Variants in ATP8A2 observed in about 807,000 individuals in gnomAD.
ATP8A2 encodes the protein phospholipid-transporting ATPase IB.
ATP8A2 carries 100 observed loss-of-function variants against 165.6 expected under a neutral mutation model. That is an observed-to-expected ratio of 0.60 (90% confidence interval 0.51 to 0.71). The LOEUF is 0.71. ATP8A2 is among the 30% of genes least tolerant of loss of function. The probability of loss-of-function intolerance (pLI) is 0.00; values close to 1 mark genes in which losing one functional copy is unlikely to be tolerated. For missense variants in ATP8A2, 1,227 were observed against 1,479.5 expected, an observed-to-expected ratio of 0.83 and a Z score of 2.80; for synonymous variants, 543 against 548.8, an observed-to-expected ratio of 0.99 and a Z score of 0.15.
chr13:25,769,752 T>TGTGAGGTGAATTGCCAAGAGC (rs2044578571), intron 26 of ATP8A2, among the ~76,000 whole-genome samples: 2 of 152,168 alleles, frequency 1.3e-5, no homozygotes, highest in South Asian at 4.1e-4. Context: ...GGACCACCCC[T>TGTGAGGTGAATTGCCAAGAGC]GTGAGGTGAA....
intron 35 of ATP8A2, among the ~76,000 whole-genome samples, chr13:25,972,541 C>G (rs921170271): frequency 1.3e-5 from 2 of 152,206 alleles, no homozygotes; most frequent in African/African-American, 4.8e-5. Flanking sequence ...ACACTGGACA[C>G]GTGTGACTGT....
chr13:25,998,344 T>C lies in ATP8A2; in HGVS notation c.3378-14187T>C, dbSNP rs1333664855. On this transcript the variant is annotated intron_variant, in intron 35 of 36. Coordinates refer to ENST00000381655, the MANE Select transcript of ATP8A2 (RefSeq NM_016529.6). Reference sequence around the variant, plus strand: ...CTTGGTCTTCTTTTTCACCTCCCCATAAGGGTGTTGGAGAGCCTCATAACA... The same window carrying C: ...CTTGGTCTTCTTTTTCACCTCCCCACAAGGGTGTTGGAGAGCCTCATAACA... 2.0e-5 allele frequency among the ~76,000 whole-genome samples: 3 copies of C among 152,108 alleles called. No individual in the cohort carries two copies. The East Asian group carries it at 5.8e-4, about 29-fold the overall frequency.
chr13:25,769,256 C>A, intron 26 of ATP8A2, 27 bp downstream of exon 26: 1 of 1,593,122 alleles, frequency 6.3e-7, no homozygotes, highest in Admixed American at 1.7e-5. Context: ...TCCAGCTGCC[C>A]TGTCCTGTTG....
intron 24 of ATP8A2, among the ~76,000 whole-genome samples, chr13:25,698,456 C>T (rs7329366): frequency 1.3e-5 from 2 of 152,070 alleles, no homozygotes; most frequent in African/African-American, 4.8e-5. Flanking sequence ...TGGTCTTGAA[C>T]TCCTGGGCTC....
chr13:25,580,876 T>C (rs1476139628), intron 22 of ATP8A2, among the ~76,000 whole-genome samples: 2 of 152,232 alleles, frequency 1.3e-5, no homozygotes, highest in Admixed American at 6.5e-5. Context: ...ACTTATTTAC[T>C]GTTTTCATTC....
At chr13:25,888,070 C>CCCCA in intron 33 of ATP8A2, among the ~76,000 whole-genome samples, 2 of 113,510 alleles carry the variant, frequency 1.8e-5, no homozygotes, top group Non-Finnish European at 3.4e-5. Context: ...GAACCCAGAC[C>CCCCA]CCCCCCCCGC....
intron 33 of ATP8A2, among the ~76,000 whole-genome samples, chr13:25,935,319 C>A (rs566689714): frequency 6.6e-6 from 1 of 152,164 alleles, no homozygotes; most frequent in East Asian, 1.9e-4. Context: ...AAACTCTCCA[C>A]CATTGTCAGA....
At chr13:25,996,865 G>T (rs1409216092) in intron 35 of ATP8A2, among the ~76,000 whole-genome samples, 1 of 152,208 alleles carries the variant, frequency 6.6e-6, no homozygotes, top group African/African-American at 2.4e-5. Context: ...TGTATTTTTA[G>T]TAGAGACAAG....
At chr13:25,591,765 T>C (rs1198867372) in intron 24 of ATP8A2, among the ~76,000 whole-genome samples, 1 of 152,052 alleles carries the variant, frequency 6.6e-6, no homozygotes, top group Non-Finnish European at 1.5e-5. Flanking sequence ...GTATTTTTAG[T>C]AGAGATGGAG....
At chr13:25,483,488 T>G (rs2036266220) in intron 2 of ATP8A2, among the ~76,000 whole-genome samples, 1 of 152,070 alleles carries the variant, frequency 6.6e-6, no homozygotes, top group Non-Finnish European at 1.5e-5. Flanking sequence ...ACTGGCGCTC[T>G]TGGAGAGACA....
chr13:25,402,473 G>A (rs1428739174), intron 1 of ATP8A2, among the ~76,000 whole-genome samples: 3 of 152,186 alleles, frequency 2.0e-5, no homozygotes, highest in Non-Finnish European at 4.4e-5. Context: ...TTTAAAAATA[G>A]CATCGTTTCT....
intron 24 of ATP8A2, among the ~76,000 whole-genome samples, chr13:25,656,988 G>A (rs2041943502): frequency 7.3e-6 from 1 of 137,906 alleles, no homozygotes; most frequent in Non-Finnish European, 1.5e-5. Flanking sequence ...AGGAGATGAA[G>A]GTTGCTGTGA....
At chr13:25,691,615 T>C (rs2042727447) in intron 24 of ATP8A2, among the ~76,000 whole-genome samples, 1 of 152,226 alleles carries the variant, frequency 6.6e-6, no homozygotes, top group Non-Finnish European at 1.5e-5. Flanking sequence ...CTTGAAAATG[T>C]TTGCTTAATG....
chr13:25,550,797 T>C (rs968375514), intron 10 of ATP8A2, among the ~76,000 whole-genome samples: 4 of 152,222 alleles, frequency 2.6e-5, no homozygotes, highest in African/African-American at 9.6e-5. Context: ...TTTGAAACCC[T>C]CTAATGTTCT....
At chr13:25,642,752 A>T (rs141240013) in intron 24 of ATP8A2, among the ~76,000 whole-genome samples, 5,269 of 152,326 alleles carry the variant, frequency 0.035, 157 homozygotes, top group East Asian at 0.13. Flanking sequence ...TGCTATAAAG[A>T]CACATGCACA....
At chr13:25,835,105 G>C (rs1478275502) in intron 28 of ATP8A2, among the ~76,000 whole-genome samples, 1 of 151,862 alleles carries the variant, frequency 6.6e-6, no homozygotes, top group Non-Finnish European at 1.5e-5. Context: ...AGAAGGAGAA[G>C]CTCAAGTTTA....
chr13:25,533,202 C>A, intron 5 of ATP8A2, 71 bp from the exon 6 acceptor site: 1 of 821,238 alleles, frequency 1.2e-6, no homozygotes, highest in Non-Finnish European at 2.0e-6. Context: ...TAAAAGAAAG[C>A]TTTTGGATTT....
At position 25,574,789 on chromosome 13, in the gene ATP8A2, C is replaced by T. The variant is rs1477145373; in HGVS notation, c.1663-19C>T. On this transcript the variant is annotated intron_variant, in intron 18 of 36. Coordinates refer to ENST00000381655, the MANE Select transcript of ATP8A2 (RefSeq NM_016529.6). Reference sequence around the variant, plus strand: ...TAATACTTTGCACCTCGGTTAAGAGCCTATTTTTCTTCCTTTAGATGGGAC... The same window carrying T: ...TAATACTTTGCACCTCGGTTAAGAGTCTATTTTTCTTCCTTTAGATGGGAC... 3 of 1,484,240 alleles carry T rather than the reference C, an allele frequency of 2.0e-6. No homozygotes were observed. The highest frequency in any genetic ancestry group is 2.8e-6 in the Non-Finnish European group (3 of 1,063,108). 91.9% of individuals were successfully genotyped at this position (1,484,240 alleles called of 1,614,324 possible). A position where few individuals can be genotyped will look rare whatever the true frequency, so the allele number is the denominator to read the frequency against.
intron 33 of ATP8A2, among the ~76,000 whole-genome samples, chr13:25,865,922 T>TA (rs1166305985): frequency 7.2e-5 from 11 of 152,206 alleles, no homozygotes; most frequent in Admixed American, 6.5e-4. Flanking sequence ...ATGTTTTTTT[T>TA]CCGTGGGGGA....
Sources: allele counts gnomAD v4.1 joint callset (sites outside exome capture counted in the v4.1 genomes callset), GRCh38; gene constraint gnomAD v4.1.1; transcripts MANE v1.5; gene names NCBI Gene and HGNC (gene_info 2026-07-23, HGNC 2026-07-21).